SH3KBP1: variants seen among roughly 807,000 people sequenced by gnomAD.
The protein encoded by SH3KBP1 is SH3 domain-containing kinase-binding protein 1.
SH3KBP1 carries 8 observed loss-of-function variants against 50.1 expected under a neutral mutation model. That is an observed-to-expected ratio of 0.16 (90% CI 0.09 to 0.29). SH3KBP1 has a LOEUF of 0.29. Among genes scored for constraint, SH3KBP1 ranks in the 10% least tolerant of loss-of-function variants. SH3KBP1 has a pLI of 1.00. For synonymous variants in SH3KBP1, 227 were observed against 218.6 expected (o/e 1.04, Z -0.34); for missense variants, 377 against 535.2 (o/e 0.70, Z 2.92).
chrX:19,694,451 C>G (rs1393791824), intron 5 of SH3KBP1, among the ~76,000 whole-genome samples: 1 of 110,875 alleles, frequency 9.0e-6, no homozygotes, highest in East Asian at 2.8e-4. Context: ...AACAGGAGCT[C>G]CAAGACACCT....
intron 3 of SH3KBP1, among the ~76,000 whole-genome samples, chrX:19,714,549 A>T (rs1038900277): frequency 1.8e-5 from 2 of 111,706 alleles, no homozygotes; most frequent in East Asian, 5.6e-4. Flanking sequence ...TACCTAATAG[A>T]CTACTACTCA....
intron 1 of SH3KBP1, among the ~76,000 whole-genome samples, chrX:19,864,291 C>T (rs1230760777): frequency 3.6e-5 from 4 of 111,073 alleles, no homozygotes; most frequent in African/African-American, 1.3e-4. Context: ...AAAACAAAGT[C>T]CCTGGTGTGG....
chrX:19,844,053 C>T (rs1165943995), intron 1 of SH3KBP1, among the ~76,000 whole-genome samples: 2 of 111,389 alleles, frequency 1.8e-5, no homozygotes, highest in South Asian at 3.8e-4. Context: ...ATTCCTAGCT[C>T]GAGCCCACTT....
chrX:19,840,692 A>G (rs111860115), intron 1 of SH3KBP1, among the ~76,000 whole-genome samples: 1,240 of 112,587 alleles, frequency 0.011, 16 homozygotes, highest in African/African-American at 0.038. Context: ...AACATTACCT[A>G]TGATTTTTTT....
intron 2 of SH3KBP1, among the ~76,000 whole-genome samples, chrX:19,815,761 A>AC (rs2067336151): frequency 8.9e-6 from 1 of 111,849 alleles, no homozygotes; most frequent in Admixed American, 9.5e-5. Context: ...ACAGTGTGTA[A>AC]CATCTTAGGT....
At chrX:19,564,815 T>G (rs2065789638) in intron 13 of SH3KBP1, among the ~76,000 whole-genome samples, 1 of 110,606 alleles carries the variant, frequency 9.0e-6, no homozygotes, top group Non-Finnish European at 1.9e-5. Context: ...CATTTGGGGC[T>G]GGGTCATTCT....
chrX:19,750,599 A>G (rs2065037390), intron 2 of SH3KBP1, among the ~76,000 whole-genome samples: 1 of 111,995 alleles, frequency 8.9e-6, no homozygotes, highest in African/African-American at 3.2e-5. Context: ...TGTGACATGC[A>G]TGCTGACCCC....
At chrX:19,617,543 G>A (rs2067654550) in intron 8 of SH3KBP1, among the ~76,000 whole-genome samples, 1 of 112,395 alleles carries the variant, frequency 8.9e-6, no homozygotes, top group Non-Finnish European at 1.9e-5. Context: ...TAATTATCCT[G>A]GAGTTTCCTT....
chrX:19,767,683 T>G (rs180802140), intron 2 of SH3KBP1, among the ~76,000 whole-genome samples: 69 of 111,189 alleles, frequency 6.2e-4, no homozygotes, highest in African/African-American at 2.2e-3. Flanking sequence ...AGTTAACCCC[T>G]GCTAATCTCC....
rs759840942 is a variant in SH3KBP1, at chrX:19,595,628, T to C, written c.1006-628A>G. On this transcript the variant is annotated intron_variant, in intron 9 of 17. Coordinates refer to ENST00000397821, the MANE Select transcript of SH3KBP1 (RefSeq NM_031892.3). ...TTGCATATCAGCCGTGATTTGTTTT[T>C]CTCACATGCTGTCACTCTGTAGGTG... Among the ~76,000 whole-genome samples the C allele has an allele frequency of 4.2e-4, 46 of 110,447 alleles. No homozygotes were observed. The South Asian group carries it at 0.018, about 44-fold the overall frequency.
chrX:19,618,829 G>T (rs2067708201), intron 8 of SH3KBP1, among the ~76,000 whole-genome samples: 1 of 107,082 alleles, frequency 9.3e-6, no homozygotes, highest in Non-Finnish European at 1.9e-5. Flanking sequence ...TTAGCCAGAT[G>T]TGGTGGTATG....
intron 2 of SH3KBP1, among the ~76,000 whole-genome samples, chrX:19,788,574 G>A (rs1248823710): frequency 5.4e-5 from 6 of 111,756 alleles, no homozygotes; most frequent in Non-Finnish European, 1.1e-4. Flanking sequence ...AGCAGCACAA[G>A]CAAACTAATA....
rs2064364836 is a variant in SH3KBP1 at position 19,731,138 on chromosome X, C to T, written c.286+15180G>A. Reference sequence around the variant, plus strand: ...ATTTCTAGTAGAGACGGGGTTTCACCATGTTGCCCAGGCTGATCTCGAACT... The same window carrying T: ...ATTTCTAGTAGAGACGGGGTTTCACTATGTTGCCCAGGCTGATCTCGAACT... On this transcript the variant is annotated intron_variant, in intron 3 of 17. Coordinates refer to ENST00000397821, the MANE Select transcript of SH3KBP1 (RefSeq NM_031892.3). Among the ~76,000 whole-genome samples the T allele has an allele frequency of 2.7e-5, 3 of 111,264 alleles. No homozygotes were observed. The Admixed American group carries it at 2.9e-4, about 11-fold the overall frequency.
At chrX:19,872,833 TCACACA>T (rs774471891) in intron 1 of SH3KBP1, among the ~76,000 whole-genome samples, 1,106 of 96,486 alleles carry the variant, frequency 0.011, 23 homozygotes, top group African/African-American at 0.04. Context: ...TCTCTCTCTC[TCACACA>T]CACACACACA....
At chrX:19,686,971 A>G (rs1022406935) in intron 5 of SH3KBP1, among the ~76,000 whole-genome samples, 3 of 111,722 alleles carry the variant, frequency 2.7e-5, no homozygotes, top group African/African-American at 9.8e-5. Context: ...TTAATTTAAC[A>G]CTCACATGGA....
chrX:19,874,048 C>CAAAAAAAA (rs55948760), intron 1 of SH3KBP1, among the ~76,000 whole-genome samples: 1 of 26,290 alleles, frequency 3.8e-5, no homozygotes, highest in African/African-American at 2.5e-4. Flanking sequence ...GAGTCCATCT[C>CAAAAAAAA]AAAAAAAAAA....
At chrX:19,576,618 T>A (rs751628492) in intron 12 of SH3KBP1, among the ~76,000 whole-genome samples, 4 of 111,329 alleles carry the variant, frequency 3.6e-5, no homozygotes, top group Non-Finnish European at 7.6e-5. Flanking sequence ...TTAAAAAAAA[T>A]TTTTGTAGAG....
At chrX:19,671,012 G>A in intron 6 of SH3KBP1, 1 of 1,052,643 alleles carries the variant, frequency 9.5e-7, no homozygotes, top group African/African-American at 1.9e-5. Context: ...GGAATGGGGA[G>A]AACAAAGCTC....
At chrX:19,647,645 C>T (rs1383961446) in intron 6 of SH3KBP1, among the ~76,000 whole-genome samples, 1 of 111,271 alleles carries the variant, frequency 9.0e-6, no homozygotes, top group East Asian at 2.8e-4. Context: ...CTTCCCTTCT[C>T]CTTCATGGGC....
Sources: gnomAD v4.1 joint callset for allele counts (sites outside exome capture counted in the v4.1 genomes callset) on GRCh38, gnomAD v4.1.1 for gene constraint, MANE v1.5 for transcripts, NCBI Gene and HGNC (gene_info 2026-07-23, HGNC 2026-07-21) for gene names.